The following ZFPM2 variants were observed in gnomAD, a reference collection of about 807,000 sequenced individuals.
ZFPM2 encodes zinc finger protein ZFPM2.
Under a neutral mutation model 98.6 loss-of-function variants are expected in ZFPM2, and 20 were observed. That is an observed-to-expected ratio of 0.20 (90% CI 0.14 to 0.29). The LOEUF is 0.29. Ranked by LOEUF, ZFPM2 falls within the 10% of genes least tolerant of loss-of-function variation. ZFPM2 has a pLI of 1.00. For synonymous variants in ZFPM2, 518 were observed against 502.7 expected, an observed-to-expected ratio of 1.03 and a Z score of -0.41; for missense variants, 1,310 against 1,388.6, an observed-to-expected ratio of 0.94 and a Z score of 0.90.
At chr8:105,616,659 T>TATA in intron 4 of ZFPM2, 2 of 375,048 alleles carry the variant, frequency 5.3e-6, no homozygotes, top group Non-Finnish European at 1.1e-5. Flanking sequence ...GTTCATATGG[T>TATA]ATAACAATAA....
intron 5 of ZFPM2, among the ~76,000 whole-genome samples, chr8:105,765,130 T>C (rs765947939): frequency 1.3e-5 from 2 of 151,858 alleles, no homozygotes; most frequent in Non-Finnish European, 2.9e-5. Context: ...GCATAAACTA[T>C]CCTTTAGAGG....
At chr8:105,347,237 A>G (rs1812556067) in intron 1 of ZFPM2, among the ~76,000 whole-genome samples, 1 of 152,044 alleles carries the variant, frequency 6.6e-6, no homozygotes, top group Non-Finnish European at 1.5e-5. Context: ...TATTCTTTTA[A>G]CATTAAAAAT....
At chr8:105,497,176 C>T (rs1215961326) in intron 3 of ZFPM2, among the ~76,000 whole-genome samples, 5 of 151,302 alleles carry the variant, frequency 3.3e-5, no homozygotes, top group African/African-American at 4.8e-5. Flanking sequence ...TAGTAGAGAG[C>T]GGGTTTCACC....
At chr8:105,346,248 G>A (rs1812524413) in intron 1 of ZFPM2, among the ~76,000 whole-genome samples, 1 of 151,934 alleles carries the variant, frequency 6.6e-6, no homozygotes, top group Non-Finnish European at 1.5e-5. Context: ...GCCGGGCGTG[G>A]TGGTGCATGA....
At chr8:105,720,756 T>C (rs535857299) in intron 5 of ZFPM2, among the ~76,000 whole-genome samples, 12 of 151,938 alleles carry the variant, frequency 7.9e-5, no homozygotes, top group African/African-American at 2.9e-4. Context: ...AATAGATATA[T>C]AGATAAGGCA....
chr8:105,616,678 A>ATAG (rs1477632879), intron 4 of ZFPM2: 1 of 392,162 alleles, frequency 2.5e-6, no homozygotes, highest in Non-Finnish European at 5.1e-6. Flanking sequence ...AATAATAATA[A>ATAG]TAATAAGGTA....
At chr8:105,786,041 CAAAAAAA>C (rs60740995) in intron 5 of ZFPM2, among the ~76,000 whole-genome samples, 13 of 39,828 alleles carry the variant, frequency 3.3e-4, no homozygotes, top group East Asian at 1.0e-3. Flanking sequence ...GACTCCGTCT[CAAAAAAA>C]AAAAAAAAAA....
chr8:105,639,901 AT>A (rs1299940967), intron 5 of ZFPM2, among the ~76,000 whole-genome samples: 1 of 151,888 alleles, frequency 6.6e-6, no homozygotes, highest in African/African-American at 2.4e-5. Flanking sequence ...ATATCATTGG[AT>A]TTTTTTCTTG....
rs200678280 is a variant in ZFPM2 at position 105,801,120 on chromosome 8, C to G, written c.1038C>G (p.Ser346=). 1 of 1,613,926 alleles carries G rather than the reference C, an allele frequency of 6.2e-7. No homozygotes were observed. The highest frequency in any genetic ancestry group is 1.1e-5 in the South Asian group (1 of 91,080). Residue 346 remains serine, a synonymous_variant, in exon 8 of 8, where the codon TCC becomes TCG. Coordinates refer to ENST00000407775, the MANE Select transcript of ZFPM2 (RefSeq NM_012082.4). ...KCTVCSYTAD[S]VINFHQHLFS... The stretch of plus-strand genomic sequence containing the variant: ...CCGTCTGTAGCTACACTGCTGATTC[C>G]GTGATCAACTTTCACCAACACCTGT...
At chr8:105,749,274 G>A (rs1812420984) in intron 5 of ZFPM2, among the ~76,000 whole-genome samples, 1 of 152,056 alleles carries the variant, frequency 6.6e-6, no homozygotes, top group Non-Finnish European at 1.5e-5. Context: ...GTAATGTACA[G>A]TAGGTAAAAT....
intron 6 of ZFPM2, among the ~76,000 whole-genome samples, chr8:105,795,531 A>C (rs550888160): frequency 2.0e-5 from 3 of 152,104 alleles, no homozygotes; most frequent in Non-Finnish European, 4.4e-5. Flanking sequence ...ACGAAATCAA[A>C]GTTTGATTAG....
intron 3 of ZFPM2, among the ~76,000 whole-genome samples, chr8:105,471,142 G>A (rs773589018): frequency 3.9e-5 from 6 of 152,230 alleles, no homozygotes; most frequent in Non-Finnish European, 8.8e-5. Context: ...CGTTAGGGAT[G>A]TTCTCTTGTT....
chr8:105,701,328 C>G (rs1252759152), intron 5 of ZFPM2, among the ~76,000 whole-genome samples: 1 of 152,144 alleles, frequency 6.6e-6, no homozygotes, highest in Non-Finnish European at 1.5e-5. Flanking sequence ...TGGAGCTTTT[C>G]AAGACATTTG....
chr8:105,530,130 A>C (rs1814264856), intron 3 of ZFPM2, among the ~76,000 whole-genome samples: 1 of 152,178 alleles, frequency 6.6e-6, no homozygotes, highest in African/African-American at 2.4e-5. Flanking sequence ...AATGTACTAT[A>C]ATTCACAAGG....
chr8:105,655,223 CTT>C (rs34262627), intron 5 of ZFPM2, among the ~76,000 whole-genome samples: 416 of 76,016 alleles, frequency 5.5e-3, no homozygotes, highest in African/African-American at 0.016. Context: ...TGCATTGAGT[CTT>C]TTTTTTTTTT....
At chr8:105,724,571 C>T (rs1321128071) in intron 5 of ZFPM2, among the ~76,000 whole-genome samples, 1 of 151,804 alleles carries the variant, frequency 6.6e-6, no homozygotes, top group Non-Finnish European at 1.5e-5. Context: ...CATCACATGG[C>T]ATTTTAAGCA....
At chr8:105,619,629 A>G (rs541619421) in intron 4 of ZFPM2, among the ~76,000 whole-genome samples, 80 of 152,136 alleles carry the variant, frequency 5.3e-4, no homozygotes, top group Middle Eastern at 3.4e-3. Context: ...GGTGTGCTGC[A>G]CTTATTAATT....
At chr8:105,701,398 T>C (rs2130957431) in intron 5 of ZFPM2, among the ~76,000 whole-genome samples, 1 of 152,274 alleles carries the variant, frequency 6.6e-6, no homozygotes, top group Non-Finnish European at 1.5e-5. Context: ...CTATTAGTGG[T>C]GAATTAGAGT....
intron 2 of ZFPM2, among the ~76,000 whole-genome samples, chr8:105,442,508 A>C (rs1403359827): frequency 6.6e-6 from 1 of 152,228 alleles, no homozygotes; most frequent in Non-Finnish European, 1.5e-5. Context: ...AACATAGTAG[A>C]TGCTCAATAT....
Sources: allele counts gnomAD v4.1 joint callset (sites outside exome capture counted in the v4.1 genomes callset), GRCh38; gene constraint gnomAD v4.1.1; transcripts MANE v1.5; gene names NCBI Gene and HGNC (gene_info 2026-07-23, HGNC 2026-07-21).